The following LRP2 variants were observed in gnomAD, a reference collection of about 807,000 sequenced individuals.
LRP2 encodes LDL receptor related protein 2.
LRP2 carries 172 observed loss-of-function variants against 531.0 expected under a neutral mutation model. The observed-to-expected ratio is 0.32, with a 90% CI of 0.29 to 0.37. LRP2 has a LOEUF of 0.37. Ranked by LOEUF, LRP2 falls within the 10% of genes least tolerant of loss-of-function variation. The probability of loss-of-function intolerance (pLI) is 1.00; values close to 1 mark genes in which losing one functional copy is unlikely to be tolerated. For missense variants in LRP2, 5,167 were observed against 5,868.3 expected (o/e 0.88, Z 3.90); for synonymous variants, 1,992 against 2,027.6 (o/e 0.98, Z 0.47).
chr2:169,335,083 T>C (rs1431665223), intron 1 of LRP2, among the ~76,000 whole-genome samples: 1 of 152,168 alleles, frequency 6.6e-6, no homozygotes, highest in Non-Finnish European at 1.5e-5. Context: ...AGGGCAAGAG[T>C]GAAAATCAAG....
Position 169,176,554 on chromosome 2 carries a change from A to G in LRP2, c.10428T>C (p.Cys3476=). The change falls in exon 54 of 79, where the codon TGT becomes TGC. Residue 3476 remains cysteine (C), a synonymous_variant. Coordinates refer to ENST00000649046, the MANE Select transcript of LRP2 (RefSeq NM_004525.3). The stretch of plus-strand genomic sequence containing the variant: ...CTGGCTTGATGAGGCAGAGATGAGA[A>G]CAGCCACCATTGTTGGTACCACAGG... The part of the protein sequence containing the change: ...SNPCGTNNGG[C]SHLCLIKPGG... 1 of 1,614,222 alleles carries G rather than the reference A, an allele frequency of 6.2e-7. No individual in the cohort carries two copies. Among genetic ancestry groups the G allele is most frequent in the Non-Finnish European group, 8.5e-7 (1 of 1,180,026 alleles).
chr2:169,281,425 A>T (rs1351727113), intron 10 of LRP2, among the ~76,000 whole-genome samples: 1 of 151,922 alleles, frequency 6.6e-6, no homozygotes, highest in Non-Finnish European at 1.5e-5. Context: ...TCCATCTCAA[A>T]AATAAATAAA....
At position 169,318,883 on chromosome 2, in the gene LRP2, A is replaced by G. The variant is rs1410581077; in HGVS notation, c.189T>C (p.Ala63=). The stretch of plus-strand genomic sequence containing the variant: ...AATAGCCCTGCTGGCAGGTCACAAC[A>G]GCTAAAACAAACCAAAAGAGGACTC... ...CSDDADEIGC[A]VVTCQQGYFK... The change falls in exon 3 of 79, where the codon GCT becomes GCC. Residue 63 remains alanine (A), a splice_region_variant and synonymous_variant. Coordinates refer to ENST00000649046, the MANE Select transcript of LRP2 (RefSeq NM_004525.3). 1 of 1,614,108 alleles carries G rather than the reference A, an allele frequency of 6.2e-7. No individual in the cohort carries two copies. Among genetic ancestry groups the G allele is most frequent in the Non-Finnish European group, 8.5e-7 (1 of 1,179,976 alleles).
intron 43 of LRP2, 80 bp downstream of exon 43, chr2:169,202,676 C>A: frequency 7.1e-7 from 1 of 1,416,242 alleles, no homozygotes; most frequent in South Asian, 1.2e-5. Flanking sequence ...AACACATTCA[C>A]ACATAGCAGG....
chr2:169,313,578 T>C (rs544670932), intron 3 of LRP2, among the ~76,000 whole-genome samples: 1 of 152,310 alleles, frequency 6.6e-6, no homozygotes, highest in East Asian at 1.9e-4. Context: ...GGAAGCTTCG[T>C]CTCAGAGGGG....
Position 169,277,852 on chromosome 2 carries a change from C to A in LRP2, c.1665G>T (p.Lys555Asn). The A allele has an allele frequency of 6.2e-7, 1 of 1,614,136 alleles. No homozygotes were observed. The highest frequency in any genetic ancestry group is 8.5e-7 in the Non-Finnish European group (1 of 1,180,014). The change falls in exon 13 of 79, where the codon AAG becomes AAT. Residue 555 changes from lysine to asparagine, a missense_variant. Physicochemically the swap from Lys to Asn is moderately conservative, Grantham distance 94. Coordinates refer to ENST00000649046, the MANE Select transcript of LRP2 (RefSeq NM_004525.3). The part of the protein sequence containing the change: ...GSNRKDLVKT[K>N]LGWPAGVTLD... ...GAGTTACCCCAGCAGGCCATCCCAG[C>A]TTTGTTTTCACCAAGTCTTTACGGT...
intron 13 of LRP2, among the ~76,000 whole-genome samples, chr2:169,275,726 C>T (rs1048279145): frequency 2.0e-4 from 31 of 152,036 alleles, no homozygotes; most frequent in African/African-American, 6.3e-4. Context: ...CCCCAGCAAA[C>T]GCCCACATCT....
chr2:169,176,007 T>G (rs1344403206), intron 54 of LRP2, among the ~76,000 whole-genome samples: 1 of 152,168 alleles, frequency 6.6e-6, no homozygotes, highest in Admixed American at 6.5e-5. Context: ...TGGATTTGAA[T>G]GTGTAACCCT....
chr2:169,273,868 A>G (rs993573397), intron 14 of LRP2, among the ~76,000 whole-genome samples: 15 of 152,206 alleles, frequency 9.9e-5, no homozygotes, highest in Admixed American at 9.8e-4. Flanking sequence ...CATTGATCTA[A>G]TGGATCTAAT....
At chr2:169,273,513 C>T (rs1205230450) in intron 14 of LRP2, among the ~76,000 whole-genome samples, 1 of 152,112 alleles carries the variant, frequency 6.6e-6, no homozygotes, top group Non-Finnish European at 1.5e-5. Flanking sequence ...TCCAATTTTA[C>T]AGAGGAGAAA....
intron 1 of LRP2, among the ~76,000 whole-genome samples, chr2:169,342,193 A>G (rs1685581525): frequency 6.6e-6 from 1 of 151,874 alleles, no homozygotes; most frequent in Non-Finnish European, 1.5e-5. Context: ...TCAGGCAGGA[A>G]AATTAAAAAA....
At chr2:169,315,077 C>A (rs1027885137) in intron 3 of LRP2, among the ~76,000 whole-genome samples, 1 of 152,144 alleles carries the variant, frequency 6.6e-6, no homozygotes, top group African/African-American at 2.4e-5. Flanking sequence ...TACGAAGAAG[C>A]AATTAAAAGC....
At chr2:169,304,039 A>G (rs1396508314) in intron 4 of LRP2, among the ~76,000 whole-genome samples, 1 of 152,200 alleles carries the variant, frequency 6.6e-6, no homozygotes, top group Non-Finnish European at 1.5e-5. Context: ...GGTTTTTGCC[A>G]GAAGGTTCAT....
At chr2:169,349,560 T>A (rs1049126536) in intron 1 of LRP2, among the ~76,000 whole-genome samples, 1 of 152,164 alleles carries the variant, frequency 6.6e-6, no homozygotes, top group African/African-American at 2.4e-5. Flanking sequence ...AGTTGTGCCA[T>A]GCAGCTTCCC....
At chr2:169,139,653 A>G (rs761217907) in intron 72 of LRP2, 43 bp from the exon 73 acceptor site, 1 of 1,557,536 alleles carries the variant, frequency 6.4e-7, no homozygotes, top group Non-Finnish European at 8.9e-7. Flanking sequence ...TTATGTTCTT[A>G]GGCTTCTACT....
intron 28 of LRP2, 127 bp downstream of exon 28, chr2:169,236,976 T>C: frequency 5.2e-6 from 4 of 772,000 alleles, no homozygotes; most frequent in South Asian, 3.0e-5. Flanking sequence ...ACACCTACCA[T>C]GTTTAAACAA....
intron 26 of LRP2, among the ~76,000 whole-genome samples, chr2:169,238,990 T>C (rs944441094): frequency 3.3e-5 from 5 of 152,228 alleles, no homozygotes; most frequent in African/African-American, 1.2e-4. Flanking sequence ...ATTGGAACCC[T>C]TGATGTAAGC....
rs769213509 is a variant in LRP2, at chr2:169,201,767, A to T, written c.8313T>A (p.Asp2771Glu). ...DYYNDCGDGS[D>E]EAGCLFRDCN... ...AGTCCCTGAACAGGCACCCTGCCTCATCACTGCCATCACCACAGTCATTGT... is the reference window on the plus strand; with the variant it reads ...AGTCCCTGAACAGGCACCCTGCCTCTTCACTGCCATCACCACAGTCATTGT... The change falls in exon 44 of 79, where the codon GAT (aspartate) becomes GAA (glutamate). Residue 2771 changes from aspartate to glutamate, a missense_variant. Asp to Glu is a conservative substitution (Grantham distance 45). Coordinates refer to ENST00000649046, the MANE Select transcript of LRP2 (RefSeq NM_004525.3). 1.9e-6 allele frequency: 3 copies of T among 1,614,216 alleles called. No homozygotes were observed. The highest frequency in any genetic ancestry group is 8.5e-7 in the Non-Finnish European group (1 of 1,180,040).
intron 33 of LRP2, among the ~76,000 whole-genome samples, chr2:169,223,250 T>G (rs1164947654): frequency 6.6e-6 from 1 of 152,192 alleles, no homozygotes; most frequent in African/African-American, 2.4e-5. Context: ...GTGGTTAAAG[T>G]GGCCTTACCA....
Sources: gnomAD v4.1 joint callset for allele counts (sites outside exome capture counted in the v4.1 genomes callset) on GRCh38, gnomAD v4.1.1 for gene constraint, MANE v1.5 for transcripts, NCBI Gene and HGNC (gene_info 2026-07-23, HGNC 2026-07-21) for gene names.